FST: variants seen among roughly 807,000 people sequenced by gnomAD.
FST encodes the protein follistatin.
A neutral mutation model predicts 38.4 loss-of-function variants in FST; 6 were observed. The observed-to-expected ratio is 0.16, with a 90% CI of 0.09 to 0.31. The LOEUF (loss-of-function observed/expected upper bound fraction) is 0.31, where lower values mean the gene tolerates loss of function less well. Among genes scored for constraint, FST ranks in the 10% least tolerant of loss-of-function variants. The pLI is 1.00. For missense variants in FST, 301 were observed against 432.3 expected (o/e 0.70, Z 2.69); for synonymous variants, 157 against 169.8 (o/e 0.92, Z 0.59).
chr5:53,485,760 TA>T (rs1412468031), intron 5 of FST, 190 bp from the exon 6 acceptor site: 53 of 1,589,618 alleles, frequency 3.3e-5, no homozygotes, highest in African/African-American at 1.2e-4. Flanking sequence ...GATTATGCTT[TA>T]AAAAAATTTT....
Position 53,483,672 on chromosome 5 carries a change from G to C in FST, c.446G>C (p.Arg149Thr). The stretch of plus-strand genomic sequence containing the variant: ...AATGAATGTGCACTCCTAAAGGCAA[G>C]ATGTAAAGAGCAGCCAGAACTGGAA... ...YRNECALLKA[R>T]CKEQPELEVQ... Residue 149 changes from arginine (R) to threonine (T), a missense_variant, in exon 3 of 6, where the codon AGA (arginine) becomes ACA (threonine). By Grantham distance (71) the Arg-to-Thr change is moderately conservative (BLOSUM62 -1). Transcript: ENST00000256759. This position sits in a 1 kb window ranked among gnomAD's most constrained non-coding sequence, Gnocchi z 4.1. 1.2e-6 allele frequency: 2 copies of C among 1,614,200 alleles called. No individual in the cohort carries two copies. Among genetic ancestry groups the C allele is most frequent in the South Asian group, 2.2e-5 (2 of 91,084 alleles).
Position 53,483,559 on chromosome 5 carries a change from G to A in FST, c.333G>A (p.Lys111=), listed in dbSNP as rs765132849. 1.9e-6 allele frequency: 3 copies of A among 1,614,182 alleles called. No homozygotes were observed. The highest frequency in any genetic ancestry group is 2.2e-5 in the East Asian group (1 of 44,886). ...GPGKKCRMNK[K]NKPRCVCAPD... Reference sequence around the variant, plus strand: ...GGAAAAAATGCCGAATGAACAAGAAGAACAAACCCCGCTGCGTCTGCGCCC... The same window carrying A: ...GGAAAAAATGCCGAATGAACAAGAAAAACAAACCCCGCTGCGTCTGCGCCC... Residue 111 remains lysine, a synonymous_variant, in exon 3 of 6, where the codon AAG becomes AAA. Transcript: ENST00000256759. This position sits in a 1 kb window ranked among gnomAD's most constrained non-coding sequence, Gnocchi z 4.1.
At position 53,486,098 on chromosome 5, in the gene FST, AAG is replaced by A. The variant is rs1331826430; in HGVS notation, c.*67_*68del. 1.2e-6 allele frequency: 1 copy of A among 815,660 alleles called. No homozygotes were observed. The highest frequency in any genetic ancestry group is 1.9e-6 in the Non-Finnish European group (1 of 513,252). The allele number at this position is 815,660 out of a possible 1,614,324, so 50.5% of individuals were successfully genotyped here. A position where few individuals can be genotyped will look rare whatever the true frequency, so the allele number is the denominator to read the frequency against. ...AAAAAAAAAAAAAAAAAAAAAGAAA[AAG>A]AAAAAAAGAAAAATATATTGTCCAT... On this transcript the variant is annotated 3_prime_UTR_variant, in exon 6 of 6. Coordinates refer to ENST00000256759, the MANE Select transcript of FST (RefSeq NM_013409.3).
At chr5:53,485,557 T>G in intron 5 of FST, 1 of 732,350 alleles carries the variant, frequency 1.4e-6, no homozygotes, top group East Asian at 2.5e-5. Flanking sequence ...TTTTTTTTTT[T>G]TTTTTCCAAC....
chr5:53,486,336 T>G lies in FST; in HGVS notation c.*303T>G. 1 of 199,092 alleles carries G rather than the reference T, an allele frequency of 5.0e-6. No individual in the cohort carries two copies. Among genetic ancestry groups the G allele is most frequent in the Non-Finnish European group, 1.0e-5 (1 of 99,856 alleles). 12.3% of individuals were successfully genotyped at this position (199,092 alleles called of 1,614,324 possible). On this transcript the variant is annotated 3_prime_UTR_variant, in exon 6 of 6. Coordinates refer to ENST00000256759, the MANE Select transcript of FST (RefSeq NM_013409.3). The stretch of plus-strand genomic sequence containing the variant: ...ATAATTTATACATAAAATGTCTGGT[T>G]GACTGTATACCTTGTTTTTGAAGAA...
chr5:53,481,044 T>C (rs1747172155), intron 1 of FST, among the ~76,000 whole-genome samples, 168 bp downstream of exon 1: 1 of 152,014 alleles, frequency 6.6e-6, no homozygotes, highest in Non-Finnish European at 1.5e-5. Flanking sequence ...AATGACACTT[T>C]AGGACTGGGA....
chr5:53,484,964 C>G (rs1747458733), intron 4 of FST, 33 bp from the exon 5 acceptor site: 4 of 1,014,552 alleles, frequency 3.9e-6, no homozygotes, highest in Non-Finnish European at 1.6e-6. Context: ...ATGGGGAAAT[C>G]AGTTTACTCA....
rs778000277 is a variant in FST, at chr5:53,483,574, C to T, written c.348C>T (p.Cys116=). 2 of 1,614,146 alleles carry T rather than the reference C, an allele frequency of 1.2e-6. No homozygotes were observed. Among genetic ancestry groups the T allele is most frequent in the Non-Finnish European group, 1.7e-6 (2 of 1,179,974 alleles). ...CRMNKKNKPR[C]VCAPDCSNIT... is the part of the protein sequence containing the mutation. ...TGAACAAGAAGAACAAACCCCGCTG[C>T]GTCTGCGCCCCGGATTGTTCCAACA... Residue 116 remains cysteine (C), a synonymous_variant, in exon 3 of 6, where the codon TGC becomes TGT. Transcript: ENST00000256759. The surrounding 1 kb of genome is among the most constrained non-coding windows in gnomAD (Gnocchi z 4.1).
rs2112352240 is a variant in FST at position 53,486,867 on chromosome 5, C to A, written c.*834C>A. The A allele has an allele frequency of 6.6e-6, 1 of 152,330 alleles. No homozygotes were observed. Among genetic ancestry groups the A allele is most frequent in the East Asian group, 1.9e-4 (1 of 5,190 alleles). 9.4% of individuals were successfully genotyped at this position (152,330 alleles called of 1,614,324 possible). On this transcript the variant is annotated 3_prime_UTR_variant, in exon 6 of 6. Transcript: ENST00000256759. ...TGTTAGGTGTTTCCTTTAAGCTACT[C>A]AGCTGTACCTTTTAAATTAGTTCTT...
chr5:53,485,588 C>G, intron 5 of FST: 1 of 779,210 alleles, frequency 1.3e-6, no homozygotes, highest in Admixed American at 2.1e-5. Context: ...TATTATCACA[C>G]ATGGGCTGCT....
rs959208560 is a variant in FST at position 53,482,736 on chromosome 5, C to T, written c.86-144C>T. ...CCCTTTCGATTTATTTCCTACTTTT[C>T]TCCCGCGTCTCTCTCACTTCCCCTC... On this transcript the variant is annotated intron_variant, in intron 1 of 5. Transcript: ENST00000256759. 35 of 553,678 alleles carry T rather than the reference C, an allele frequency of 6.3e-5. 1 individual carries two copies. The highest frequency in any genetic ancestry group is 6.8e-5 in the Admixed American group (2 of 29,440). 34.3% of individuals were successfully genotyped at this position (553,678 alleles called of 1,614,324 possible). A position where few individuals can be genotyped will look rare whatever the true frequency, so the allele number is the denominator to read the frequency against.
In FST at chr5:53,485,957, C is replaced by T. The variant is rs371840444; in HGVS notation, c.959C>T (p.Ser320Leu). 12 of 1,605,956 alleles carry T rather than the reference C, an allele frequency of 7.5e-6. No individual in the cohort carries two copies. The highest frequency in any genetic ancestry group is 6.8e-5 in the African/African-American group (5 of 73,794). Residue 320 changes from serine (S) to leucine (L), a missense_variant, in exon 6 of 6, where the codon TCG becomes TTG. By Grantham distance (145) the Ser-to-Leu change is moderately radical (BLOSUM62 -2). Coordinates refer to ENST00000256759, the MANE Select transcript of FST (RefSeq NM_013409.3). Reference sequence around the variant, plus strand: ...CCTGTATTCCCCCATCTAGCCATTTCGGAAGACACCGAGGAAGAGGAGGAA... The same window carrying T: ...CCTGTATTCCCCCATCTAGCCATTTTGGAAGACACCGAGGAAGAGGAGGAA... ...VKHSGSCNSI[S>L]EDTEEEEEDE...
Position 53,481,462 on chromosome 5 carries a change from CAAAAAAAAAAAA to C in FST, c.85+599_85+610del, listed in dbSNP as rs70983342. Among the ~76,000 whole-genome samples, 22 of 48,082 alleles carry C rather than the reference CAAAAAAAAAAAA, an allele frequency of 4.6e-4. 1 individual carries two copies. Among genetic ancestry groups the C allele is most frequent in the African/African-American group, 6.9e-4 (6 of 8,660 alleles). 31.5% of individuals were successfully genotyped at this position (48,082 alleles called of 152,430 possible). On this transcript the variant is annotated intron_variant, in intron 1 of 5. Coordinates refer to ENST00000256759, the MANE Select transcript of FST (RefSeq NM_013409.3). ...CTTCCAACCCCATCCCCCATTCTCG[CAAAAAAAAAAAA>C]AAAAAAAAAAAAGCCAAATTATTAC...
At position 53,486,838 on chromosome 5, in the gene FST, C is replaced by T. The variant is rs1206632391; in HGVS notation, c.*805C>T. On this transcript the variant is annotated 3_prime_UTR_variant, in exon 6 of 6. Transcript: ENST00000256759. ...GGATGTTGAAGGCTACACATTCAAC[C>T]TTTTGTTAGGTGTTTCCTTTAAGCT... 6.6e-6 allele frequency: 1 copy of T among 152,090 alleles called. No homozygotes were observed. The highest frequency in any genetic ancestry group is 1.5e-5 in the Non-Finnish European group (1 of 68,020). The allele number at this position is 152,090 out of a possible 1,614,324, so 9.4% of individuals were successfully genotyped here.
At position 53,483,384 on chromosome 5, in the gene FST, C is replaced by A; in HGVS notation, c.278-120C>A. 1.3e-6 allele frequency: 1 copy of A among 749,110 alleles called. No homozygotes were observed. The highest frequency in any genetic ancestry group is 2.3e-6 in the Non-Finnish European group (1 of 442,662). 46.4% of individuals were successfully genotyped at this position (749,110 alleles called of 1,614,324 possible). On this transcript the variant is annotated intron_variant, in intron 2 of 5. Coordinates refer to ENST00000256759, the MANE Select transcript of FST (RefSeq NM_013409.3). The surrounding 1 kb of genome is among the most constrained non-coding windows in gnomAD (Gnocchi z 4.1). ...AACTCCCAATATTCCAGGAGAGAGC[C>A]TGGGGCCCCTCCAGCGCAAACTCAG...
Position 53,483,133 on chromosome 5 carries a change from C to G in FST, c.277+62C>G. On this transcript the variant is annotated intron_variant, in intron 2 of 5. Coordinates refer to ENST00000256759, the MANE Select transcript of FST (RefSeq NM_013409.3). This position sits in a 1 kb window ranked among gnomAD's most constrained non-coding sequence, Gnocchi z 4.1. ...AGAGGGCGTCTTACCCTTAGCTTCC[C>G]CACTACCTGACTGGGGTTTGGGAGT... The G allele has an allele frequency of 1.8e-6, 2 of 1,127,078 alleles. No individual in the cohort carries two copies. Among genetic ancestry groups the G allele is most frequent in the Non-Finnish European group, 2.6e-6 (2 of 756,392 alleles). The allele number at this position is 1,127,078 out of a possible 1,614,324, so 69.8% of individuals were successfully genotyped here.
In FST at chr5:53,486,014, CTTCTA is replaced by C. The variant is rs1747526273; in HGVS notation, c.1022_1026del (p.Ile341ArgfsTer7). 1.1e-5 allele frequency: 16 copies of C among 1,469,908 alleles called. No homozygotes were observed. Among genetic ancestry groups the C allele is most frequent in the Non-Finnish European group, 1.2e-5 (13 of 1,093,558 alleles). 91.1% of individuals were successfully genotyped at this position (1,469,908 alleles called of 1,614,324 possible). A position where few individuals can be genotyped will look rare whatever the true frequency, so the allele number is the denominator to read the frequency against. On this transcript the variant is annotated frameshift_variant, in exon 6 of 6. Transcript: ENST00000256759. LOFTEE classifies it high-confidence loss of function. ...GACCAGGACTACAGCTTTCCTATAT[CTTCTA>C]TTCTAGAGTGGTAAACTCTCTATAA...
Position 53,483,457 on chromosome 5 carries a change from A to G in FST, c.278-47A>G. 1 of 1,492,620 alleles carries G rather than the reference A, an allele frequency of 6.7e-7. No individual in the cohort carries two copies. The highest frequency in any genetic ancestry group is 9.3e-7 in the Non-Finnish European group (1 of 1,072,738). The allele number at this position is 1,492,620 out of a possible 1,614,324, so 92.5% of individuals were successfully genotyped here. On this transcript the variant is annotated intron_variant, in intron 2 of 5. Coordinates refer to ENST00000256759, the MANE Select transcript of FST (RefSeq NM_013409.3). This position sits in a 1 kb window ranked among gnomAD's most constrained non-coding sequence, Gnocchi z 4.1. The stretch of plus-strand genomic sequence containing the variant: ...CCCGAAGCCCTCCTGGCTGACCTGC[A>G]GACTGCCTGGCTCTGGTTTTAATCC...
At chr5:53,484,933 A>G in intron 4 of FST, 64 bp from the exon 5 acceptor site, 1 of 813,162 alleles carries the variant, frequency 1.2e-6, no homozygotes, top group Non-Finnish European at 2.2e-6. Flanking sequence ...AGAGGACTAG[A>G]GAAAGGGAGA....
Sources: gnomAD v4.1 joint callset for allele counts (sites outside exome capture counted in the v4.1 genomes callset) on GRCh38, gnomAD v4.1.1 for gene constraint, Gnocchi (gnomAD v3.1) non-coding constraint, MANE v1.5 for transcripts, NCBI Gene and HGNC (gene_info 2026-07-23, HGNC 2026-07-21) for gene names.